The following ANKRD46 variants were observed in gnomAD, a reference collection of about 807,000 sequenced individuals.
ANKRD46 encodes ankyrin repeat domain 46.
ANKRD46 carries 13 observed loss-of-function variants against 19.8 expected under a neutral mutation model. The ratio of observed to expected loss-of-function variants is 0.66; its 90% confidence interval spans 0.43 to 1.04. The LOEUF is 1.04. ANKRD46 is among the 50% of genes least tolerant of loss of function. ANKRD46 has a pLI of 0.00. For missense variants in ANKRD46, 185 were observed against 274.8 expected, an observed-to-expected ratio of 0.67 and a Z score of 2.31; for synonymous variants, 91 against 106.9, an observed-to-expected ratio of 0.85 and a Z score of 0.92.
At position 100,522,229 on chromosome 8, in the gene ANKRD46, G is replaced by C; in HGVS notation, c.*326C>G. ...TCAATTGGTCCTATATTAGGATAAG[G>C]TTTTGATAGCAAGGACTTCCTAGCT... On this transcript the variant is annotated 3_prime_UTR_variant, in exon 5 of 5. Coordinates refer to ENST00000335659, the MANE Select transcript of ANKRD46 (RefSeq NM_001270377.2). 9.1e-7 allele frequency: 1 copy of C among 1,098,448 alleles called. No individual in the cohort carries two copies. Among genetic ancestry groups the C allele is most frequent in the Non-Finnish European group, 1.1e-6 (1 of 899,148 alleles). The allele number at this position is 1,098,448 out of a possible 1,614,324, so 68.0% of individuals were successfully genotyped here. A position where few individuals can be genotyped will look rare whatever the true frequency, so the allele number is the denominator to read the frequency against.
chr8:100,546,189 T>C lies in ANKRD46; in HGVS notation c.-130-12878A>G, dbSNP rs192174137. ...TAAATAACAAGGAACAGAATGTTAA[T>C]AGCCAAGAAAATGGGAAAAATTTCC... On this transcript the variant is annotated intron_variant, in intron 1 of 4. Transcript: ENST00000335659. The surrounding 1 kb of genome is among the most constrained non-coding windows in gnomAD (Gnocchi z 4.0). Among the ~76,000 whole-genome samples the C allele has an allele frequency of 6.6e-6, 1 of 152,334 alleles. No homozygotes were observed. Among genetic ancestry groups the C allele is most frequent in the African/African-American group, 2.4e-5 (1 of 41,574 alleles).
In ANKRD46 at chr8:100,520,947, C is replaced by T. The variant is rs1811712937; in HGVS notation, c.*1608G>A. On this transcript the variant is annotated 3_prime_UTR_variant, in exon 5 of 5. Coordinates refer to ENST00000335659, the MANE Select transcript of ANKRD46 (RefSeq NM_001270377.2). ...TTTACAAACAAATGTAAAGCTAATT[C>T]CAAAGTTTTCTTCTGAATATACTTC... 3.0e-6 allele frequency: 3 copies of T among 984,824 alleles called. No homozygotes were observed. The South Asian group carries it at 1.4e-4, about 46-fold the overall frequency. The allele number at this position is 984,824 out of a possible 1,614,324, so 61.0% of individuals were successfully genotyped here.
In ANKRD46 at chr8:100,528,005, T is replaced by G; in HGVS notation, c.312-2A>C. ...AAAGGGGTAGCACCTTGATGATTGC[T>G]AAAAAAAAAAAAAAAAAAAAAAGTT... On this transcript the variant is annotated splice_acceptor_variant, in intron 3 of 4. Transcript: ENST00000335659. LOFTEE classifies it high-confidence loss of function. The G allele has an allele frequency of 8.6e-7, 1 of 1,164,228 alleles. No homozygotes were observed. The highest frequency in any genetic ancestry group is 1.1e-6 in the Non-Finnish European group (1 of 946,474). The allele number at this position is 1,164,228 out of a possible 1,614,324, so 72.1% of individuals were successfully genotyped here. A position where few individuals can be genotyped will look rare whatever the true frequency, so the allele number is the denominator to read the frequency against.
chr8:100,538,147 C>T (rs181245665), intron 1 of ANKRD46, among the ~76,000 whole-genome samples: 2 of 152,062 alleles, frequency 1.3e-5, no homozygotes, highest in East Asian at 3.9e-4. Flanking sequence ...AATGTACACT[C>T]GATTAAGTTC....
Position 100,550,707 on chromosome 8 carries a change from C to A in ANKRD46, c.-131+9004G>T, listed in dbSNP as rs1586802651. The A allele has an allele frequency of 6.0e-6, 2 of 335,940 alleles. No homozygotes were observed. Among genetic ancestry groups the A allele is most frequent in the Non-Finnish European group, 1.2e-5 (2 of 172,498 alleles). 20.8% of individuals were successfully genotyped at this position (335,940 alleles called of 1,614,324 possible). ...TCTTCCTCTTGTGCTCTCACTGGGG[C>A]TGGTTGTCGAGCAGTCTTACTCCTT... is the stretch of plus-strand genomic sequence containing the variant. On this transcript the variant is annotated intron_variant, in intron 1 of 4. Coordinates refer to ENST00000335659, the MANE Select transcript of ANKRD46 (RefSeq NM_001270377.2). The surrounding 1 kb of genome is among the most constrained non-coding windows in gnomAD (Gnocchi z 4.4).
At position 100,550,326 on chromosome 8, in the gene ANKRD46, G is replaced by T. The variant is rs1418402130; in HGVS notation, c.-131+9385C>A. Reference sequence around the variant, plus strand: ...TAATCCACATTCTCACCAGCATTTGGTGTTGTCAGCGTTCTAGATTTTAGT... The same window carrying T: ...TAATCCACATTCTCACCAGCATTTGTTGTTGTCAGCGTTCTAGATTTTAGT... On this transcript the variant is annotated intron_variant, in intron 1 of 4. Transcript: ENST00000335659. The surrounding 1 kb of genome is among the most constrained non-coding windows in gnomAD (Gnocchi z 4.4). Among the ~76,000 whole-genome samples the T allele has an allele frequency of 2.6e-5, 4 of 152,168 alleles. No individual in the cohort carries two copies. The East Asian group carries it at 7.7e-4, about 29-fold the overall frequency.
chr8:100,529,682 A>C lies in ANKRD46; in HGVS notation c.152T>G (p.Leu51Arg), dbSNP rs773703198. ...GTCTACATTCCCTCGAGCTGCTGCA[A>C]GGTGAAGGCCTGTTCTGCCCCTGCT... ...RDSRGRTGLHLAAARGNVDIC... is the reference protein window; with the variant it reads ...RDSRGRTGLHRAAARGNVDIC... The change falls in exon 3 of 5, where the codon CTT (leucine) becomes CGT (arginine). Residue 51 changes from leucine to arginine, a missense_variant. By Grantham distance (102) the Leu-to-Arg change is moderately radical. Coordinates refer to ENST00000335659, the MANE Select transcript of ANKRD46 (RefSeq NM_001270377.2). This position sits in a 1 kb window ranked among gnomAD's most constrained non-coding sequence, Gnocchi z 5.8. The C allele has an allele frequency of 1.2e-6, 2 of 1,614,254 alleles. No homozygotes were observed. The highest frequency in any genetic ancestry group is 1.7e-6 in the Non-Finnish European group (2 of 1,180,050).
intron 1 of ANKRD46, chr8:100,551,147 G>T: frequency 2.2e-6 from 1 of 448,500 alleles, no homozygotes; most frequent in African/African-American, 2.0e-5. Flanking sequence ...GTTTCCCACA[G>T]AGGCCATCGA....
rs116070318 is a variant in ANKRD46 at position 100,545,072 on chromosome 8, C to A, written c.-130-11761G>T. Among the ~76,000 whole-genome samples, 740 of 152,282 alleles carry A rather than the reference C, an allele frequency of 4.9e-3. 3 individuals are homozygous for A. The highest frequency in any genetic ancestry group is 0.017 in the African/African-American group (687 of 41,556). On this transcript the variant is annotated intron_variant, in intron 1 of 4. Coordinates refer to ENST00000335659, the MANE Select transcript of ANKRD46 (RefSeq NM_001270377.2). The surrounding 1 kb of genome is among the most constrained non-coding windows in gnomAD (Gnocchi z 4.7). ...GGGTGTGCTGACTCATGCCTGAAAT[C>A]CCAGCACTTTTGGAGGCAGAGGTGG... is the stretch of plus-strand genomic sequence containing the variant.
intron 1 of ANKRD46, chr8:100,551,778 A>G (rs1299776099): frequency 2.2e-6 from 1 of 458,396 alleles, no homozygotes; most frequent in African/African-American, 2.0e-5. Flanking sequence ...GCCAGCACCC[A>G]TACCCACCTC....
At chr8:100,552,149 TA>T (rs75161004) in intron 1 of ANKRD46, among the ~76,000 whole-genome samples, 13,035 of 120,498 alleles carry the variant, frequency 0.11, 847 homozygotes, top group African/African-American at 0.2. Context: ...GACTCTGTCT[TA>T]AAAAAAAAAA....
chr8:100,547,351 G>C (rs1449357829), intron 1 of ANKRD46, among the ~76,000 whole-genome samples: 1 of 152,140 alleles, frequency 6.6e-6, no homozygotes, highest in Non-Finnish European at 1.5e-5. Context: ...GGTTTTAATA[G>C]TGGCAGTTTC....
At position 100,546,632 on chromosome 8, in the gene ANKRD46, A is replaced by T. The variant is rs1812278186; in HGVS notation, c.-131+13079T>A. ...AAATGTAGGGTTGGAGCCCCCACAC[A>T]GAGTCCCCACTGGAGTGCTGCCTAG... On this transcript the variant is annotated intron_variant, in intron 1 of 4. Coordinates refer to ENST00000335659, the MANE Select transcript of ANKRD46 (RefSeq NM_001270377.2). This position sits in a 1 kb window ranked among gnomAD's most constrained non-coding sequence, Gnocchi z 4.0. 6.6e-6 allele frequency among the ~76,000 whole-genome samples: 1 copy of T among 152,236 alleles called. No individual in the cohort carries two copies. The highest frequency in any genetic ancestry group is 6.5e-5 in the Admixed American group (1 of 15,286).
intron 1 of ANKRD46, among the ~76,000 whole-genome samples, chr8:100,547,779 G>T (rs370981161): frequency 9.2e-5 from 14 of 152,232 alleles, no homozygotes; most frequent in East Asian, 7.7e-4. Flanking sequence ...AGACACAAAG[G>T]CCTGTCAGTT....
At chr8:100,517,546 G>A (rs1378381564), downstream of ANKRD46, among the ~76,000 whole-genome samples, 1 of 152,150 alleles carries the variant, frequency 6.6e-6, no homozygotes, top group Non-Finnish European at 1.5e-5. Context: ...CCAAATCTCT[G>A]TCCCCAGGTG....
Position 100,537,006 on chromosome 8 carries a change from AAAC to A in ANKRD46, c.-130-3698_-130-3696del, listed in dbSNP as rs894222330. On this transcript the variant is annotated intron_variant, in intron 1 of 4. Coordinates refer to ENST00000335659, the MANE Select transcript of ANKRD46 (RefSeq NM_001270377.2). The surrounding 1 kb of genome is among the most constrained non-coding windows in gnomAD (Gnocchi z 4.2). ...TCAACCAGCGTGATTGTCTCAACCC[AAAC>A]AACAATAAAAAGGTTTTGATGGAAG... Among the ~76,000 whole-genome samples, 68 of 152,338 alleles carry A rather than the reference AAAC, an allele frequency of 4.5e-4. No homozygotes were observed. The highest frequency in any genetic ancestry group is 1.6e-3 in the African/African-American group (67 of 41,570).
Position 100,525,248 on chromosome 8 carries a change from T to C in ANKRD46, c.471-2477A>G, listed in dbSNP as rs1380941348. Among the ~76,000 whole-genome samples the C allele has an allele frequency of 6.6e-6, 1 of 152,252 alleles. No homozygotes were observed. The highest frequency in any genetic ancestry group is 1.5e-5 in the Non-Finnish European group (1 of 68,048). ...ATCTCTTTAAACTTTTTCATCTACA[T>C]TTATTGAGACATAATTCACATCCCA... is the stretch of plus-strand genomic sequence containing the variant. On this transcript the variant is annotated intron_variant, in intron 4 of 4. Coordinates refer to ENST00000335659, the MANE Select transcript of ANKRD46 (RefSeq NM_001270377.2). The surrounding 1 kb of genome is among the most constrained non-coding windows in gnomAD (Gnocchi z 4.4).
Position 100,536,476 on chromosome 8 carries a change from A to T in ANKRD46, c.-130-3165T>A, listed in dbSNP as rs1307951523. Reference sequence around the variant, plus strand: ...TAGCTGTATGACTTAGCACTCAAAAATAAGCTATTATCCTTTTCAGGCTAG... The same window carrying T: ...TAGCTGTATGACTTAGCACTCAAAATTAAGCTATTATCCTTTTCAGGCTAG... On this transcript the variant is annotated intron_variant, in intron 1 of 4. Transcript: ENST00000335659. The surrounding 1 kb of genome is among the most constrained non-coding windows in gnomAD (Gnocchi z 4.9). Among the ~76,000 whole-genome samples, 1 of 152,210 alleles carries T rather than the reference A, an allele frequency of 6.6e-6. No homozygotes were observed. Among genetic ancestry groups the T allele is most frequent in the Non-Finnish European group, 1.5e-5 (1 of 68,038 alleles).
downstream of ANKRD46, among the ~76,000 whole-genome samples, chr8:100,516,208 T>G (rs959425078): frequency 1.3e-5 from 2 of 152,224 alleles, no homozygotes; most frequent in African/African-American, 4.8e-5. Context: ...TTCATTCAAA[T>G]GATTCATTAG....
Sources: allele counts gnomAD v4.1 joint callset (sites outside exome capture counted in the v4.1 genomes callset), GRCh38; gene constraint gnomAD v4.1.1; non-coding constraint Gnocchi (gnomAD v3.1); transcripts MANE v1.5; gene names NCBI Gene and HGNC (gene_info 2026-07-23, HGNC 2026-07-21).